WWOX: variants seen among roughly 807,000 people sequenced by gnomAD.
The protein encoded by WWOX is WW domain-containing oxidoreductase.
A neutral mutation model predicts 46.2 loss-of-function variants in WWOX; 69 were observed. The ratio of observed to expected loss-of-function variants is 1.49; its 90% CI spans 1.23 to 1.82. WWOX has a LOEUF of 1.82. WWOX is among the 40% of genes most tolerant of loss of function. The pLI is 0.00. For synonymous variants in WWOX, 359 were observed against 202.6 expected, an observed-to-expected ratio of 1.77 and a Z score of -6.56; for missense variants, 919 against 542.6, an observed-to-expected ratio of 1.69 and a Z score of -6.89.
chr16:79,211,940 A>C lies in WWOX; in HGVS notation c.*144A>C. On this transcript the variant is annotated 3_prime_UTR_variant, in exon 9 of 9. Coordinates refer to ENST00000566780, the MANE Select transcript of WWOX (RefSeq NM_016373.4). ...TAAGAGCAGTCACAACAGAGTGAAAAATCTTAAGTACCAATGGGAAGCAGG... is the reference window on the plus strand; with the variant it reads ...TAAGAGCAGTCACAACAGAGTGAAACATCTTAAGTACCAATGGGAAGCAGG... The C allele has an allele frequency of 6.5e-7, 1 of 1,537,518 alleles. No homozygotes were observed. The highest frequency in any genetic ancestry group is 2.0e-5 in the Admixed American group (1 of 51,020).
intron 8 of WWOX, among the ~76,000 whole-genome samples, chr16:78,486,748 AT>A (rs1481882614): frequency 6.6e-6 from 1 of 151,728 alleles, no homozygotes; most frequent in Non-Finnish European, 1.5e-5. Flanking sequence ...TGATTTTTGT[AT>A]TTTCAGTTGA....
chr16:79,011,126 C>CACA (rs1262723800), intron 8 of WWOX, among the ~76,000 whole-genome samples: 20 of 132,450 alleles, frequency 1.5e-4, no homozygotes, highest in Non-Finnish European at 2.8e-4. Flanking sequence ...TATCTACTCA[C>CACA]TCACACATCC....
intron 5 of WWOX, among the ~76,000 whole-genome samples, chr16:78,337,928 T>C (rs1166888362): frequency 8.3e-6 from 1 of 120,690 alleles, no homozygotes; most frequent in African/African-American, 2.8e-5. Context: ...GCTAACCTCG[T>C]GTCTCTTGCT....
chr16:78,695,401 A>T (rs572443788), intron 8 of WWOX, among the ~76,000 whole-genome samples: 2 of 152,096 alleles, frequency 1.3e-5, no homozygotes, highest in Admixed American at 6.5e-5. Flanking sequence ...CTCTTGCCCT[A>T]TTTGCCGTGT....
rs77706305 is a variant in WWOX, at chr16:79,183,956, G to T, written c.1057-27652G>T. Among the ~76,000 whole-genome samples, 389 of 152,298 alleles carry T rather than the reference G, an allele frequency of 2.6e-3. 1 individual carries two copies. The highest frequency in any genetic ancestry group is 0.014 in the Middle Eastern group (4 of 294). ...ACTCCAGAAGAAAACACGCTTTGGT[G>T]TCGTGCTTGCCTTTGCCCTTGTCAC... On this transcript the variant is annotated intron_variant, in intron 8 of 8. Transcript: ENST00000566780.
intron 8 of WWOX, among the ~76,000 whole-genome samples, chr16:79,145,053 G>A (rs1342712849): frequency 6.6e-6 from 1 of 152,174 alleles, no homozygotes; most frequent in Non-Finnish European, 1.5e-5. Flanking sequence ...GCCTGTAAGT[G>A]AGCGCGTTCT....
At chr16:79,013,839 C>G (rs1056345325) in intron 8 of WWOX, among the ~76,000 whole-genome samples, 2 of 152,180 alleles carry the variant, frequency 1.3e-5, no homozygotes, top group African/African-American at 2.4e-5. Context: ...CTTTATTCTA[C>G]TTTTCATTCT....
chr16:79,044,430 C>T (rs8061345), intron 8 of WWOX, among the ~76,000 whole-genome samples: 2 of 152,078 alleles, frequency 1.3e-5, no homozygotes, highest in East Asian at 1.9e-4. Context: ...ACTGTCCTCA[C>T]GATAGTGAGT....
chr16:78,225,271 TA>T (rs1339849802), intron 5 of WWOX, among the ~76,000 whole-genome samples: 1 of 152,190 alleles, frequency 6.6e-6, no homozygotes, highest in Non-Finnish European at 1.5e-5. Flanking sequence ...TAAACACACC[TA>T]AACATAGAAA....
intron 8 of WWOX, among the ~76,000 whole-genome samples, chr16:78,652,552 C>T (rs1454095808): frequency 6.6e-6 from 1 of 151,986 alleles, no homozygotes; most frequent in East Asian, 1.9e-4. Context: ...GTTGACTCAC[C>T]TCTCTGGTGC....
At chr16:78,398,914 A>G (rs1476119048) in intron 6 of WWOX, among the ~76,000 whole-genome samples, 1 of 152,206 alleles carries the variant, frequency 6.6e-6, no homozygotes, top group Non-Finnish European at 1.5e-5. Context: ...TGCAATTATT[A>G]CATTTACTGC....
At chr16:79,194,552 C>T (rs919406783) in intron 8 of WWOX, among the ~76,000 whole-genome samples, 8 of 151,592 alleles carry the variant, frequency 5.3e-5, no homozygotes, top group East Asian at 1.9e-4. Flanking sequence ...ATCTCGGCTC[C>T]GACGTTACAG....
intron 8 of WWOX, among the ~76,000 whole-genome samples, chr16:78,693,985 C>A (rs1211358482): frequency 6.6e-6 from 1 of 152,134 alleles, no homozygotes; most frequent in African/African-American, 2.4e-5. Flanking sequence ...GTAATCCCAG[C>A]ACTTTAGGAG....
At chr16:78,225,156 G>A (rs1255793055) in intron 5 of WWOX, among the ~76,000 whole-genome samples, 1 of 152,140 alleles carries the variant, frequency 6.6e-6, no homozygotes. Context: ...TACACATCCA[G>A]GCTATATGGT....
chr16:78,442,637 C>G (rs1262767537), intron 8 of WWOX, among the ~76,000 whole-genome samples: 1 of 152,150 alleles, frequency 6.6e-6, no homozygotes, highest in Non-Finnish European at 1.5e-5. Context: ...AATGATGGCA[C>G]TGTGTCTGTC....
chr16:79,008,074 G>C (rs999129999), intron 8 of WWOX, among the ~76,000 whole-genome samples: 1 of 152,216 alleles, frequency 6.6e-6, no homozygotes, highest in African/African-American at 2.4e-5. Context: ...GCGTCAGCCA[G>C]GGATGGGGTC....
chr16:79,155,669 T>C (rs1597428055), intron 8 of WWOX, among the ~76,000 whole-genome samples: 1 of 152,114 alleles, frequency 6.6e-6, no homozygotes, highest in East Asian at 1.9e-4. Flanking sequence ...GTGTACAAAG[T>C]GCAGATTTGG....
Position 78,541,678 on chromosome 16 carries a change from T to C in WWOX, c.1056+108926T>C, listed in dbSNP as rs558863957. 1.5e-3 allele frequency among the ~76,000 whole-genome samples: 232 copies of C among 151,936 alleles called. 1 individual carries two copies. The highest frequency in any genetic ancestry group is 4.9e-3 in the African/African-American group (202 of 41,464). On this transcript the variant is annotated intron_variant, in intron 8 of 8. Transcript: ENST00000566780. ...CATGAATTGGCTGTGAGGTGTGACATTGAAAAAGTGATTTAGCCTTTGTTC... is the reference window on the plus strand; with the variant it reads ...CATGAATTGGCTGTGAGGTGTGACACTGAAAAAGTGATTTAGCCTTTGTTC...
intron 8 of WWOX, among the ~76,000 whole-genome samples, chr16:78,626,258 G>A (rs2046309194): frequency 6.6e-6 from 1 of 152,060 alleles, no homozygotes; most frequent in South Asian, 2.1e-4. Context: ...AGCCTCCTGA[G>A]CAGGTGGGAC....
Sources: gnomAD v4.1 joint callset for allele counts (sites outside exome capture counted in the v4.1 genomes callset) on GRCh38, gnomAD v4.1.1 for gene constraint, MANE v1.5 for transcripts, NCBI Gene and HGNC (gene_info 2026-07-23, HGNC 2026-07-21) for gene names.